Variants in ABCC5 observed in about 807,000 individuals in gnomAD.
ABCC5 encodes the protein ATP binding cassette subfamily C member 5, also known as ATP-binding cassette sub-family C member 5.
ABCC5 carries 61 observed loss-of-function variants against 160.9 expected under a neutral mutation model. The observed-to-expected ratio is 0.38, with a 90% CI of 0.31 to 0.47. The LOEUF (loss-of-function observed/expected upper bound fraction) is 0.47, where lower values mean the gene tolerates loss of function less well. Among genes scored for constraint, ABCC5 ranks in the 20% least tolerant of loss-of-function variants. The pLI, the probability that ABCC5 is intolerant of heterozygous loss-of-function variation, is 0.99. For missense variants in ABCC5, 1,308 were observed against 1,813.3 expected (o/e 0.72, Z 5.06); for synonymous variants, 666 against 700.6 (o/e 0.95, Z 0.78).
Position 183,988,692 on chromosome 3 carries a change from G to T in ABCC5, c.323C>A (p.Ser108Tyr). The part of the protein sequence containing the change: ...QHPVDNAGLF[S>Y]CMTFSWLSSL... ...AGAAAGCCACGAAAAAGTCATACAG[G>T]AAAAAAGCCCAGCATTGTCCACTGG... Residue 108 changes from serine to tyrosine, a missense_variant, in exon 4 of 30, where the codon TCC becomes TAC. Physicochemically the swap from Ser to Tyr is moderately radical, Grantham distance 144. Around this residue, in one of 3 missense-constraint regions of ABCC5, gnomAD observed 1,142 missense variants for 1,527.1 expected, o/e 0.75. Coordinates refer to ENST00000334444, the MANE Select transcript of ABCC5 (RefSeq NM_005688.4). The surrounding 1 kb of genome is among the most constrained non-coding windows in gnomAD (Gnocchi z 4.4). The T allele has an allele frequency of 6.2e-7, 1 of 1,614,024 alleles. No homozygotes were observed. The highest frequency in any genetic ancestry group is 8.5e-7 in the Non-Finnish European group (1 of 1,179,992).
chr3:184,009,613 T>C (rs1721527095), intron 2 of ABCC5, among the ~76,000 whole-genome samples: 1 of 152,136 alleles, frequency 6.6e-6, no homozygotes, highest in South Asian at 2.1e-4. Context: ...AGAAATTTTG[T>C]TTTTTGACAG....
At chr3:183,967,118 G>A (rs73884811) in intron 12 of ABCC5, among the ~76,000 whole-genome samples, 12,117 of 151,304 alleles carry the variant, frequency 0.08, 1,646 homozygotes, top group African/African-American at 0.28. Flanking sequence ...ACTGGCCACC[G>A]TGTGCTGGGC....
chr3:183,983,923 T>C, intron 5 of ABCC5: 3 of 985,368 alleles, frequency 3.0e-6, no homozygotes, highest in Non-Finnish European at 3.6e-6. Context: ...TCTCCGACGG[T>C]TGTTTAACGA....
At chr3:184,002,103 G>A (rs750700215) in intron 2 of ABCC5, among the ~76,000 whole-genome samples, 3 of 152,122 alleles carry the variant, frequency 2.0e-5, no homozygotes, top group Admixed American at 6.6e-5. Context: ...GAGGGACAAT[G>A]AAGTTCAGAT....
intron 2 of ABCC5, among the ~76,000 whole-genome samples, chr3:184,006,168 C>A (rs7625464): frequency 1.3e-5 from 2 of 151,740 alleles, no homozygotes; most frequent in African/African-American, 4.8e-5. Context: ...ACTGTTGTTA[C>A]CTCAGCCGGA....
chr3:183,961,455 CTG>C lies in ABCC5; in HGVS notation c.2379+54_2379+55del, dbSNP rs983265554. On this transcript the variant is annotated intron_variant, in intron 16 of 29. Transcript: ENST00000334444. ...GAGGTCTCTCCATCACTCACTCCGG[CTG>C]TGTTTCCCTTGCAGAGACAGAAGGG... 1.1e-4 allele frequency: 170 copies of C among 1,595,536 alleles called. 1 individual carries two copies. In the African/African-American group the frequency reaches 2.0e-3, roughly 19 times the overall value.
At chr3:183,990,215 T>C (rs114231839) in intron 2 of ABCC5, among the ~76,000 whole-genome samples, 2,152 of 152,140 alleles carry the variant, frequency 0.014, 49 homozygotes, top group African/African-American at 0.049. Flanking sequence ...TTCAAGCAAT[T>C]CTCATGTCTC....
intron 29 of ABCC5, among the ~76,000 whole-genome samples, chr3:183,924,010 CTTTTTTTTTTTT>C (rs200040197): frequency 4.4e-5 from 5 of 112,788 alleles, no homozygotes; most frequent in Non-Finnish European, 5.1e-5. Flanking sequence ...TTACTGTTTG[CTTTTTTTTTTTT>C]TTTTTTTTTT....
In ABCC5 at chr3:183,988,825, A is replaced by C; in HGVS notation, c.288-98T>G. 1 of 1,333,026 alleles carries C rather than the reference A, an allele frequency of 7.5e-7. No homozygotes were observed. The highest frequency in any genetic ancestry group is 1.0e-6 in the Non-Finnish European group (1 of 981,524). The allele number at this position is 1,333,026 out of a possible 1,614,324, so 82.6% of individuals were successfully genotyped here. A position where few individuals can be genotyped will look rare whatever the true frequency, so the allele number is the denominator to read the frequency against. On this transcript the variant is annotated intron_variant, in intron 3 of 29. Transcript: ENST00000334444. The surrounding 1 kb of genome is among the most constrained non-coding windows in gnomAD (Gnocchi z 4.4). ...GTTTAGTGAACACAGCTCTTAGCTAAAGACCAGTCTCCCCAGATGATCTAA... is the reference window on the plus strand; with the variant it reads ...GTTTAGTGAACACAGCTCTTAGCTACAGACCAGTCTCCCCAGATGATCTAA...
Position 183,951,315 on chromosome 3 carries a change from A to G in ABCC5, c.2944+126T>C. The G allele has an allele frequency of 7.9e-7, 1 of 1,273,268 alleles. No homozygotes were observed. The highest frequency in any genetic ancestry group is 1.1e-6 in the Non-Finnish European group (1 of 934,686). The allele number at this position is 1,273,268 out of a possible 1,614,324, so 78.9% of individuals were successfully genotyped here. A position where few individuals can be genotyped will look rare whatever the true frequency, so the allele number is the denominator to read the frequency against. ...AATGCAGTTGCAATGTTCCTGGTGA[A>G]AACACCAGCAGTCACTGTGCTCTCA... On this transcript the variant is annotated intron_variant, in intron 20 of 29. Coordinates refer to ENST00000334444, the MANE Select transcript of ABCC5 (RefSeq NM_005688.4). This position sits in a 1 kb window ranked among gnomAD's most constrained non-coding sequence, Gnocchi z 4.7.
intron 8 of ABCC5, among the ~76,000 whole-genome samples, chr3:183,980,906 T>C (rs1718684556): frequency 6.6e-6 from 1 of 151,750 alleles, no homozygotes; most frequent in African/African-American, 2.4e-5. Context: ...ACAGACGGGG[T>C]TTCACTATAT....
chr3:183,940,230 G>A (rs1714166073), intron 25 of ABCC5, among the ~76,000 whole-genome samples: 2 of 151,412 alleles, frequency 1.3e-5, no homozygotes, highest in South Asian at 4.2e-4. Context: ...GGGCGCAGCG[G>A]TTCACACCTG....
chr3:183,981,889 G>A lies in ABCC5; in HGVS notation c.1000-15C>T, dbSNP rs777678986. 14 of 1,584,236 alleles carry A rather than the reference G, an allele frequency of 8.8e-6. No homozygotes were observed. The highest frequency in any genetic ancestry group is 2.0e-5 in the Admixed American group (1 of 50,594). On this transcript the variant is annotated splice_polypyrimidine_tract_variant and intron_variant, in intron 7 of 29. Transcript: ENST00000334444. ...GATGCAAACATCTGAAAGGAAAAGC[G>A]ATGCCACGCCAAATTAAAGCTCATT...
chr3:183,958,461 A>G (rs1716428475), intron 17 of ABCC5, among the ~76,000 whole-genome samples: 1 of 152,226 alleles, frequency 6.6e-6, no homozygotes, highest in African/African-American at 2.4e-5. Context: ...GCCCGTGGTA[A>G]GAACTAACAA....
At chr3:183,932,737 G>A (rs972713054) in intron 26 of ABCC5, among the ~76,000 whole-genome samples, 1 of 152,220 alleles carries the variant, frequency 6.6e-6, no homozygotes, top group Non-Finnish European at 1.5e-5. Flanking sequence ...GCAGAGGTGG[G>A]AGAATCTCTT....
In ABCC5 at chr3:183,947,344, C is replaced by T. The variant is rs1229947303; in HGVS notation, c.3394G>A (p.Ala1132Thr). The T allele has an allele frequency of 2.5e-6, 4 of 1,611,120 alleles. No individual in the cohort carries two copies. The highest frequency in any genetic ancestry group is 3.3e-5 in the Admixed American group (2 of 59,778). Residue 1132 changes from alanine to threonine, a missense_variant, in exon 23 of 30, where the codon GCC (alanine) becomes ACC (threonine). Ala to Thr is a moderately conservative substitution (Grantham distance 58). This residue lies in a region of ABCC5 where 1,142 missense variants were observed against 1,527.1 expected (regional missense o/e 0.75). Transcript: ENST00000334444. ...CTGACCTGGACAGCATAAGAGATGGCGAGACCCGCATAGGCTGGGGGAATC... is the reference window on the plus strand; with the variant it reads ...CTGACCTGGACAGCATAAGAGATGGTGAGACCCGCATAGGCTGGGGGAATC... ...GQIPPAYAGL[A>T]ISYAVQLTGL...
chr3:183,965,301 G>A, intron 13 of ABCC5, 44 bp from the exon 14 acceptor site: 1 of 1,614,130 alleles, frequency 6.2e-7, no homozygotes, highest in Non-Finnish European at 8.5e-7. Flanking sequence ...GGCGGGAGCA[G>A]AGCCTGCTGA....
In ABCC5 at chr3:183,963,879, C is replaced by T. The variant is rs1717001019; in HGVS notation, c.2032-291G>A. 6.6e-6 allele frequency among the ~76,000 whole-genome samples: 1 copy of T among 152,208 alleles called. No individual in the cohort carries two copies. The highest frequency in any genetic ancestry group is 1.5e-5 in the Non-Finnish European group (1 of 68,046). ...TGCTCCCCCTCCAATCCATTCTCCA[C>T]ATGGCAGGAAGATCTTTCCAGAACA... is the stretch of plus-strand genomic sequence containing the variant. On this transcript the variant is annotated intron_variant, in intron 14 of 29. Coordinates refer to ENST00000334444, the MANE Select transcript of ABCC5 (RefSeq NM_005688.4). The surrounding 1 kb of genome is among the most constrained non-coding windows in gnomAD (Gnocchi z 4.6).
At chr3:183,990,003 C>T (rs1166301679) in intron 2 of ABCC5, among the ~76,000 whole-genome samples, 1 of 152,096 alleles carries the variant, frequency 6.6e-6, no homozygotes, top group African/African-American at 2.4e-5. Flanking sequence ...TGGGGTTTCA[C>T]CATGTTGGTC....
Sources: gnomAD v4.1 joint callset for allele counts (sites outside exome capture counted in the v4.1 genomes callset) on GRCh38, gnomAD v4.1.1 for gene constraint, gnomAD v4.1.1 regional missense constraint, Gnocchi (gnomAD v3.1) non-coding constraint, MANE v1.5 for transcripts, NCBI Gene and HGNC (gene_info 2026-07-23, HGNC 2026-07-21) for gene names.